The following CD55 variants were observed in gnomAD, a reference collection of about 807,000 sequenced individuals.
CD55 encodes complement decay-accelerating factor.
A neutral mutation model predicts 45.8 loss-of-function variants in CD55; 41 were observed. That is an observed-to-expected ratio of 0.90 (90% CI 0.70 to 1.16). The LOEUF (loss-of-function observed/expected upper bound fraction) is 1.16. CD55 is among the 50% of genes most tolerant of loss of function. The pLI is 0.00. For missense variants in CD55, 416 were observed against 469.8 expected, an observed-to-expected ratio of 0.89 and a Z score of 1.06; for synonymous variants, 181 against 181.1, an observed-to-expected ratio of 1.00 and a Z score of 0.01.
intron 9 of CD55, chr1:207,340,864 C>T (rs1029649847): frequency 2.7e-6 from 1 of 365,478 alleles, no homozygotes. Context: ...TTTTCAGGAA[C>T]CTCCATATTG....
chr1:207,338,108 C>T (rs1655265456), intron 8 of CD55, among the ~76,000 whole-genome samples: 1 of 152,166 alleles, frequency 6.6e-6, no homozygotes. Context: ...TCCCTTAAAA[C>T]ATTTCCCCAG....
At chr1:207,322,344 G>C (rs1292102511) in intron 1 of CD55, 38 bp from the exon 2 acceptor site, 2 of 1,563,674 alleles carry the variant, frequency 1.3e-6, no homozygotes, top group Non-Finnish European at 8.8e-7. Flanking sequence ...GAGGACACTT[G>C]ATAGTCATTT....
chr1:207,347,329 G>A (rs905824312), intron 9 of CD55: 30 of 403,838 alleles, frequency 7.4e-5, no homozygotes, highest in Middle Eastern at 4.7e-4. Flanking sequence ...GCGTGATCTC[G>A]GCTCACTGCA....
At chr1:207,351,908 A>G (rs923507572) in intron 9 of CD55, among the ~76,000 whole-genome samples, 16 of 152,132 alleles carry the variant, frequency 1.1e-4, no homozygotes, top group African/African-American at 3.6e-4. Context: ...AACTGGACAT[A>G]TGGCAACATT....
chr1:207,359,514 A>G, intron 9 of CD55, 32 bp from the exon 10 acceptor site: 1 of 904,796 alleles, frequency 1.1e-6, no homozygotes, highest in Non-Finnish European at 1.5e-6. Flanking sequence ...TTTTGATTTT[A>G]ACTTTTTTTT....
At chr1:207,324,478 AG>A in intron 2 of CD55, 80 bp from the exon 3 acceptor site, 1 of 857,448 alleles carries the variant, frequency 1.2e-6, no homozygotes, top group Middle Eastern at 3.3e-4. Flanking sequence ...GGGGGTTATT[AG>A]GGTCCAGATA....
intron 6 of CD55, among the ~76,000 whole-genome samples, chr1:207,334,449 G>T (rs1423618756): frequency 6.6e-6 from 1 of 152,084 alleles, no homozygotes; most frequent in African/African-American, 2.4e-5. Flanking sequence ...AAAAGGAAAT[G>T]AACAGTGACA....
Position 207,339,355 on chromosome 1 carries a change from C to T in CD55, c.1061-42C>T. ...ATTGCTAGCAAATCAATGACTTTAACAAATTTTTGTTGTTAATCCTTTTTT... is the reference window on the plus strand; with the variant it reads ...ATTGCTAGCAAATCAATGACTTTAATAAATTTTTGTTGTTAATCCTTTTTT... On this transcript the variant is annotated intron_variant, in intron 8 of 9. Transcript: ENST00000367064. The T allele has an allele frequency of 1.9e-6, 3 of 1,562,840 alleles. No homozygotes were observed. The South Asian group carries it at 3.5e-5, about 18-fold the overall frequency.
chr1:207,349,047 G>T (rs1655759819), intron 9 of CD55, among the ~76,000 whole-genome samples: 1 of 151,910 alleles, frequency 6.6e-6, no homozygotes, highest in African/African-American at 2.4e-5. Flanking sequence ...GGCTATTTGG[G>T]TTCTTTTTTG....
chr1:207,332,022 A>G (rs1654968980), intron 6 of CD55, among the ~76,000 whole-genome samples: 1 of 152,074 alleles, frequency 6.6e-6, no homozygotes, highest in Non-Finnish European at 1.5e-5. Context: ...AATTTTAAAA[A>G]TTCCTTATTA....
At chr1:207,322,689 CCCTGTTGG>C in intron 2 of CD55, 122 bp downstream of exon 2, 2 of 808,472 alleles carry the variant, frequency 2.5e-6, no homozygotes, top group Non-Finnish European at 3.8e-6. Flanking sequence ...CCAGGGTATA[CCCTGTTGG>C]CACGTCACAC....
At chr1:207,355,802 T>C (rs950255329) in intron 9 of CD55, among the ~76,000 whole-genome samples, 1 of 152,194 alleles carries the variant, frequency 6.6e-6, no homozygotes, top group Non-Finnish European at 1.5e-5. Flanking sequence ...TAAAATAACA[T>C]AATTCTGTCA....
At chr1:207,347,557 G>C in intron 9 of CD55, 1 of 229,360 alleles carries the variant, frequency 4.4e-6, no homozygotes, top group Non-Finnish European at 9.0e-6. Context: ...ACCGCACCTG[G>C]CCAGGTAAAC....
At chr1:207,322,231 G>T (rs1469749382) in intron 1 of CD55, 151 bp from the exon 2 acceptor site, 3 of 761,366 alleles carry the variant, frequency 3.9e-6, no homozygotes, top group African/African-American at 1.7e-5. Context: ...CCCCACTCTC[G>T]ACAGAGTCCA....
intron 7 of CD55, 56 bp from the exon 8 acceptor site, chr1:207,337,273 C>T: frequency 9.2e-7 from 1 of 1,085,346 alleles, no homozygotes; most frequent in Non-Finnish European, 1.4e-6. Flanking sequence ...ATGTACATTC[C>T]CCAGTGACTA....
chr1:207,347,224 A>G (rs769079432), intron 9 of CD55: 37 of 455,480 alleles, frequency 8.1e-5, no homozygotes, highest in Middle Eastern at 6.5e-4. Flanking sequence ...AACAATCAAC[A>G]TGTAGCATTC....
chr1:207,357,334 A>G (rs1236152772), intron 9 of CD55, among the ~76,000 whole-genome samples: 6 of 152,122 alleles, frequency 3.9e-5, no homozygotes, highest in Non-Finnish European at 7.3e-5. Context: ...GCAAAAACTC[A>G]CAGTTAGTAC....
chr1:207,341,238 T>A (rs542836135), intron 9 of CD55, among the ~76,000 whole-genome samples: 40 of 152,324 alleles, frequency 2.6e-4, no homozygotes, highest in African/African-American at 9.4e-4. Flanking sequence ...CTGTTGATTG[T>A]TTCCTTTGCT....
In CD55 at chr1:207,325,617, T is replaced by A; in HGVS notation, c.479-5T>A. The stretch of plus-strand genomic sequence containing the variant: ...TTTAAAAAATCAATTTGTATTCTAT[T>A]CTAGAGAAATCATGCCCTAATCCGG... On this transcript the variant is annotated splice_region_variant and splice_polypyrimidine_tract_variant and intron_variant, in intron 3 of 9. Transcript: ENST00000367064. The A allele has an allele frequency of 6.3e-7, 1 of 1,575,126 alleles. No individual in the cohort carries two copies. The highest frequency in any genetic ancestry group is 8.7e-7 in the Non-Finnish European group (1 of 1,145,736).
Sources: allele counts gnomAD v4.1 joint callset (sites outside exome capture counted in the v4.1 genomes callset), GRCh38; gene constraint gnomAD v4.1.1; transcripts MANE v1.5; gene names NCBI Gene and HGNC (gene_info 2026-07-23, HGNC 2026-07-21).